CNGB3: variants seen among roughly 807,000 people sequenced by gnomAD.
CNGB3 encodes cyclic nucleotide-gated channel beta-3.
CNGB3 carries 86 observed loss-of-function variants against 92.8 expected under a neutral mutation model. That is an observed-to-expected ratio of 0.93 (90% CI 0.78 to 1.11). CNGB3 has a LOEUF of 1.11. CNGB3 is among the 50% of genes least tolerant of loss of function. The pLI is 0.00. For synonymous variants in CNGB3, 333 were observed against 332.7 expected (o/e 1.00, Z -0.01); for missense variants, 1,026 against 956.8 (o/e 1.07, Z -0.95).
chr8:86,590,136 GT>G (rs1044014663), intron 15 of CNGB3, among the ~76,000 whole-genome samples: 19 of 151,958 alleles, frequency 1.3e-4, no homozygotes, highest in African/African-American at 4.6e-4. Flanking sequence ...TTTCAAGTCT[GT>G]TTTATCAGAG....
chr8:86,598,811 A>C (rs1267973817), intron 15 of CNGB3, among the ~76,000 whole-genome samples: 4 of 152,202 alleles, frequency 2.6e-5, no homozygotes, highest in Non-Finnish European at 5.9e-5. Context: ...GGGGCCCTTC[A>C]AGATAATTCA....
chr8:86,580,915 A>C (rs2131534421), intron 15 of CNGB3, among the ~76,000 whole-genome samples: 1 of 152,334 alleles, frequency 6.6e-6, no homozygotes, highest in Non-Finnish European at 1.5e-5. Context: ...AGACAGAGAA[A>C]ACACTCTGAC....
intron 11 of CNGB3, 62 bp from the exon 12 acceptor site, chr8:86,629,140 T>C (rs983295001): frequency 3.2e-6 from 5 of 1,559,728 alleles, no homozygotes; most frequent in Non-Finnish European, 4.4e-6. Context: ...AAAAGTCAAA[T>C]TACATGTTTT....
intron 3 of CNGB3, among the ~76,000 whole-genome samples, chr8:86,690,069 C>T (rs969204652): frequency 4.6e-5 from 7 of 152,108 alleles, no homozygotes; most frequent in Admixed American, 1.3e-4. Context: ...TTCCTTTGGG[C>T]ATATACCCAG....
chr8:86,695,717 T>C (rs1824436817), intron 3 of CNGB3, among the ~76,000 whole-genome samples: 1 of 152,164 alleles, frequency 6.6e-6, no homozygotes. Flanking sequence ...GTGTGATCTT[T>C]TGGGGGTGTT....
At chr8:86,735,375 G>A (rs954511806) in intron 2 of CNGB3, among the ~76,000 whole-genome samples, 16 of 151,740 alleles carry the variant, frequency 1.1e-4, no homozygotes, top group African/African-American at 3.9e-4. Context: ...GTTGTATTTT[G>A]TATTTCAAGT....
At chr8:86,592,097 G>A (rs1011858346) in intron 15 of CNGB3, among the ~76,000 whole-genome samples, 1 of 152,228 alleles carries the variant, frequency 6.6e-6, no homozygotes, top group African/African-American at 2.4e-5. Context: ...GGAGTGACCC[G>A]ATTTTCCAGG....
chr8:86,578,619 G>T, intron 17 of CNGB3, 70 bp downstream of exon 17: 2 of 1,409,406 alleles, frequency 1.4e-6, no homozygotes, highest in Non-Finnish European at 2.0e-6. Flanking sequence ...AATTAGAGTG[G>T]GCGTTTGTGT....
At position 86,576,012 on chromosome 8, in the gene CNGB3, TCTTTATCTTCATTTTCTTTTC is replaced by T. The variant is rs1183472770; in HGVS notation, c.2201_2221del (p.Gly734_Lys740del). On this transcript the variant is annotated inframe_deletion, in exon 18 of 18. Coordinates refer to ENST00000320005, the MANE Select transcript of CNGB3 (RefSeq NM_019098.5). ...CTTCTCTTCTGGCTCTCTTCCTTTATCTTTATCTTCATTTTCTTTTCCTTTATCTTCATTTTCTTTTTGTTT... is the reference window on the plus strand; with the variant it reads ...CTTCTCTTCTGGCTCTCTTCCTTTATCTTTATCTTCATTTTCTTTTTGTTT... 6.2e-6 allele frequency: 10 copies of T among 1,612,972 alleles called. No homozygotes were observed. The highest frequency in any genetic ancestry group is 1.1e-5 in the South Asian group (1 of 90,730).
At chr8:86,722,310 T>C (rs1267146828) in intron 3 of CNGB3, among the ~76,000 whole-genome samples, 1 of 152,198 alleles carries the variant, frequency 6.6e-6, no homozygotes, top group Non-Finnish European at 1.5e-5. Flanking sequence ...TGGACTGAGA[T>C]AAAGTGCCAG....
intron 3 of CNGB3, among the ~76,000 whole-genome samples, chr8:86,711,694 A>G (rs1314291254): frequency 6.6e-6 from 1 of 152,082 alleles, no homozygotes; most frequent in East Asian, 1.9e-4. Context: ...ACCTACCTGT[A>G]AAGCACTCTT....
rs761093135 is a variant in CNGB3, at chr8:86,726,665, A to C, written c.212-8T>G. On this transcript the variant is annotated splice_polypyrimidine_tract_variant and splice_region_variant and intron_variant, in intron 2 of 17. Transcript: ENST00000320005. ...TTTTCTTGGAGAGTTTGTCTATGAAAAAAAAATTCACATAGATAGAAGAAT... is the reference window on the plus strand; with the variant it reads ...TTTTCTTGGAGAGTTTGTCTATGAACAAAAAATTCACATAGATAGAAGAAT... 6 of 1,613,458 alleles carry C rather than the reference A, an allele frequency of 3.7e-6. No individual in the cohort carries two copies. The highest frequency in any genetic ancestry group is 5.1e-6 in the Non-Finnish European group (6 of 1,179,590).
intron 3 of CNGB3, among the ~76,000 whole-genome samples, chr8:86,682,122 A>G (rs1824092869): frequency 6.6e-6 from 1 of 152,200 alleles, no homozygotes; most frequent in Non-Finnish European, 1.5e-5. Context: ...CCTTGAGGCT[A>G]AAGTAGATCT....
At chr8:86,715,932 A>G (rs1014047952) in intron 3 of CNGB3, among the ~76,000 whole-genome samples, 2 of 151,868 alleles carry the variant, frequency 1.3e-5, no homozygotes, top group East Asian at 3.9e-4. Context: ...ATATGTAACT[A>G]ACCTGCACAT....
chr8:86,599,080 C>T lies in CNGB3; in HGVS notation c.1781+5013G>A, dbSNP rs551550502. On this transcript the variant is annotated intron_variant, in intron 15 of 17. Transcript: ENST00000320005. The stretch of plus-strand genomic sequence containing the variant: ...GTTGCAGGAAGTCAGGGACGCCAAA[C>T]GGAGGGACCGGCTGAAGCCATGGCA... Among the ~76,000 whole-genome samples the T allele has an allele frequency of 2.2e-4, 33 of 152,222 alleles. No individual in the cohort carries two copies. The South Asian group carries it at 3.3e-3, about 15-fold the overall frequency.
intron 15 of CNGB3, among the ~76,000 whole-genome samples, chr8:86,599,958 A>T (rs1271830303): frequency 3.3e-5 from 5 of 152,182 alleles, no homozygotes; most frequent in Non-Finnish European, 5.9e-5. Flanking sequence ...TGACTAATAA[A>T]AACTTGCTGG....
intron 3 of CNGB3, among the ~76,000 whole-genome samples, chr8:86,708,959 G>A (rs1039475858): frequency 2.0e-5 from 3 of 152,190 alleles, no homozygotes; most frequent in African/African-American, 7.2e-5. Flanking sequence ...TAAATTTGCT[G>A]TAGTGGGGAA....
chr8:86,675,921 C>T (rs920046799), intron 3 of CNGB3, among the ~76,000 whole-genome samples: 1 of 152,110 alleles, frequency 6.6e-6, no homozygotes, highest in African/African-American at 2.4e-5. Flanking sequence ...GAAGTTTTTA[C>T]CCTCTAGGGC....
intron 6 of CNGB3, chr8:86,660,407 A>G (rs948561140): frequency 4.3e-6 from 2 of 460,530 alleles, no homozygotes; most frequent in Non-Finnish European, 8.7e-6. Flanking sequence ...AGAGTTAACC[A>G]GGGCCACACT....
Sources: gnomAD v4.1 joint callset for allele counts (sites outside exome capture counted in the v4.1 genomes callset) on GRCh38, gnomAD v4.1.1 for gene constraint, MANE v1.5 for transcripts, NCBI Gene and HGNC (gene_info 2026-07-23, HGNC 2026-07-21) for gene names.